MYO7B: variants seen among roughly 807,000 people sequenced by gnomAD.
MYO7B encodes the protein myosin VIIB.
In MYO7B, 212 loss-of-function variants were observed where a neutral mutation model predicts 259.7. The ratio of observed to expected loss-of-function variants is 0.82; its 90% CI spans 0.73 to 0.91. The LOEUF is 0.91. MYO7B is among the 40% of genes least tolerant of loss of function. MYO7B has a pLI of 0.00. For missense variants in MYO7B, 2,732 were observed against 2,813.5 expected (o/e 0.97, Z 0.66); for synonymous variants, 1,197 against 1,166.4 (o/e 1.03, Z -0.54).
chr2:127,576,681 G>A lies in MYO7B; in HGVS notation c.822G>A (p.Thr274=), dbSNP rs764355080. The A allele has an allele frequency of 7.5e-6, 12 of 1,609,416 alleles. No homozygotes were observed. Among genetic ancestry groups the A allele is most frequent in the African/African-American group, 4.0e-5 (3 of 74,806 alleles). The change falls in exon 8 of 48, where the codon ACG becomes ACA. Residue 274 remains threonine, a synonymous_variant. Transcript: ENST00000409816. The surrounding 1 kb of genome is among the most constrained non-coding windows in gnomAD (Gnocchi z 4.9). ...ACAAGCAGCTGCTGAGCCTGGGCAC[G>A]CCCTCCGAGTACCACTACCTGACCA... ...AEDKQLLSLG[T]PSEYHYLTMG... is the part of the protein sequence containing the mutation.
intron 2 of MYO7B, among the ~76,000 whole-genome samples, chr2:127,562,216 A>G (rs977259520): frequency 6.6e-5 from 10 of 152,124 alleles, no homozygotes; most frequent in Admixed American, 2.6e-4. Flanking sequence ...GAGGGACACA[A>G]TTCAGTCCAT....
At chr2:127,630,640 G>T (rs577619451) in intron 35 of MYO7B, 138 bp from the exon 36 acceptor site, 70 of 1,178,514 alleles carry the variant, frequency 5.9e-5, no homozygotes, top group Middle Eastern at 5.9e-4. Context: ...GGTGACAGGG[G>T]TGTGGGTAAG....
At chr2:127,562,893 A>C (rs1678166928) in intron 2 of MYO7B, among the ~76,000 whole-genome samples, 1 of 152,154 alleles carries the variant, frequency 6.6e-6, no homozygotes, top group South Asian at 2.1e-4. Context: ...ACAGGTGTGA[A>C]CCACCACATC....
rs1573684631 is a variant in MYO7B, at chr2:127,607,499, C to T, written c.2643+75C>T. ...GTGGGTGAGGGCAAGAAGGAGTGAG[C>T]GGCTGTGTAGAGAGCTCACCAGAAG... is the stretch of plus-strand genomic sequence containing the variant. On this transcript the variant is annotated intron_variant, in intron 21 of 47. Transcript: ENST00000409816. This position sits in a 1 kb window ranked among gnomAD's most constrained non-coding sequence, Gnocchi z 4.4. 15 of 1,346,438 alleles carry T rather than the reference C, an allele frequency of 1.1e-5. No homozygotes were observed. In the East Asian group the frequency reaches 1.2e-4, roughly 11 times the overall value. 83.4% of individuals were successfully genotyped at this position (1,346,438 alleles called of 1,614,324 possible).
Position 127,628,291 on chromosome 2 carries a change from A to T in MYO7B, c.4461-81A>T. 1 of 1,520,576 alleles carries T rather than the reference A, an allele frequency of 6.6e-7. No individual in the cohort carries two copies. Among genetic ancestry groups the T allele is most frequent in the Non-Finnish European group, 8.8e-7 (1 of 1,131,256 alleles). The allele number at this position is 1,520,576 out of a possible 1,614,324, so 94.2% of individuals were successfully genotyped here. ...CCTCATCTGTGACTCAGGACCCCCA[A>T]CCCCACCTCCCGAGGCTGTTTAGGG... On this transcript the variant is annotated intron_variant, in intron 33 of 47. Transcript: ENST00000409816. The surrounding 1 kb of genome is among the most constrained non-coding windows in gnomAD (Gnocchi z 4.8).
At chr2:127,635,291 C>A in intron 43 of MYO7B, 65 bp downstream of exon 43, 2 of 1,465,138 alleles carry the variant, frequency 1.4e-6, no homozygotes, top group Non-Finnish European at 1.9e-6. Flanking sequence ...TGTTCTGAGG[C>A]TGTAGAAGCC....
intron 10 of MYO7B, among the ~76,000 whole-genome samples, chr2:127,581,575 G>A (rs910816329): frequency 6.6e-6 from 1 of 152,156 alleles, no homozygotes; most frequent in African/African-American, 2.4e-5. Flanking sequence ...CAGCCTTCAG[G>A]CGGGACTGAT....
At chr2:127,540,326 A>T (rs910811156) in intron 1 of MYO7B, among the ~76,000 whole-genome samples, 1 of 151,556 alleles carries the variant, frequency 6.6e-6, no homozygotes, top group African/African-American at 2.4e-5. Flanking sequence ...ACCACACCCA[A>T]CTAATTTTTG....
chr2:127,540,354 G>T (rs986179726), intron 1 of MYO7B, among the ~76,000 whole-genome samples: 1 of 152,102 alleles, frequency 6.6e-6, no homozygotes, highest in Non-Finnish European at 1.5e-5. Context: ...AGTAGAGACA[G>T]GGTTTCACCA....
chr2:127,571,149 G>C (rs146140150), intron 6 of MYO7B, among the ~76,000 whole-genome samples: 1 of 152,298 alleles, frequency 6.6e-6, no homozygotes, highest in Non-Finnish European at 1.5e-5. Flanking sequence ...CACTTTGTCA[G>C]AAACTTCCGA....
intron 42 of MYO7B, 59 bp downstream of exon 42, chr2:127,634,742 G>A: frequency 1.4e-6 from 2 of 1,443,328 alleles, no homozygotes; most frequent in African/African-American, 1.5e-5. Context: ...AGGGGGCACT[G>A]GCGGCCTCTG....
intron 41 of MYO7B, 135 bp from the exon 42 acceptor site, chr2:127,634,461 C>T (rs1409078450): frequency 1.0e-5 from 9 of 894,592 alleles, no homozygotes; most frequent in East Asian, 2.6e-5. Context: ...CAGCTCCACA[C>T]GCCAATAGCC....
intron 5 of MYO7B, among the ~76,000 whole-genome samples, chr2:127,568,884 AG>A (rs1170878709): frequency 6.7e-6 from 1 of 149,302 alleles, no homozygotes; most frequent in Non-Finnish European, 1.5e-5. Flanking sequence ...GGCCAACAAC[AG>A]CAAGACTCCG....
At chr2:127,606,974 T>A (rs1010329149) in intron 20 of MYO7B, among the ~76,000 whole-genome samples, 1 of 152,246 alleles carries the variant, frequency 6.6e-6, no homozygotes, top group Non-Finnish European at 1.5e-5. Flanking sequence ...TTTATGCTAT[T>A]TCACAAATGC....
At chr2:127,572,951 G>T (rs1678708764) in intron 6 of MYO7B, among the ~76,000 whole-genome samples, 1 of 149,244 alleles carries the variant, frequency 6.7e-6, no homozygotes. Flanking sequence ...AAAAAAAACT[G>T]CCTGCATCAG....
At chr2:127,623,490 C>A in intron 29 of MYO7B, 115 bp downstream of exon 29, 1 of 1,140,936 alleles carries the variant, frequency 8.8e-7, no homozygotes, top group Non-Finnish European at 1.2e-6. Context: ...CTCCCAGCTG[C>A]CAGGCACAGC....
chr2:127,578,188 G>T lies in MYO7B; in HGVS notation c.905G>T (p.Arg302Leu), dbSNP rs192308013. The T allele has an allele frequency of 6.2e-7, 1 of 1,613,778 alleles. No homozygotes were observed. Among genetic ancestry groups the T allele is most frequent in the South Asian group, 1.1e-5 (1 of 91,054 alleles). Reference protein sequence around the residue: ...LNDAKDYAHIRSAMKILQFSD... With the variant: ...LNDAKDYAHILSAMKILQFSD... ...GACGCCAAGGACTACGCCCACATCC[G>T]CTCGGCCATGAAGATCCTCCAGTTC... The change falls in exon 9 of 48, where the codon CGC (arginine) becomes CTC (leucine). Residue 302 changes from arginine to leucine, a missense_variant. Around this residue, in one of 3 missense-constraint regions of MYO7B, gnomAD observed 1,906 missense variants for 2,026.4 expected, o/e 0.94. Coordinates refer to ENST00000409816, the MANE Select transcript of MYO7B (RefSeq NM_001393586.1).
chr2:127,567,317 C>T (rs1459636796), intron 5 of MYO7B, among the ~76,000 whole-genome samples: 1 of 149,060 alleles, frequency 6.7e-6, no homozygotes, highest in Admixed American at 6.6e-5. Flanking sequence ...TGAGGGCCCA[C>T]TCAAAAAAAA....
At position 127,631,861 on chromosome 2, in the gene MYO7B, CCCTGCCTGGGCT is replaced by C. The variant is rs1426128589; in HGVS notation, c.5249+116_5249+127del. 5 of 1,390,584 alleles carry C rather than the reference CCCTGCCTGGGCT, an allele frequency of 3.6e-6. No homozygotes were observed. In the African/African-American group the frequency reaches 7.2e-5, roughly 20 times the overall value. The allele number at this position is 1,390,584 out of a possible 1,614,324, so 86.1% of individuals were successfully genotyped here. On this transcript the variant is annotated intron_variant, in intron 38 of 47. Coordinates refer to ENST00000409816, the MANE Select transcript of MYO7B (RefSeq NM_001393586.1). ...ACACCGCAGCTGGTGGCGGCAGAAC[CCCTGCCTGGGCT>C]CCTGCCTCAGCAGTGGGAAGGGTTG... is the stretch of plus-strand genomic sequence containing the variant.
Sources: gnomAD v4.1 joint callset for allele counts (sites outside exome capture counted in the v4.1 genomes callset) on GRCh38, gnomAD v4.1.1 for gene constraint, gnomAD v4.1.1 regional missense constraint, Gnocchi (gnomAD v3.1) non-coding constraint, MANE v1.5 for transcripts, NCBI Gene and HGNC (gene_info 2026-07-23, HGNC 2026-07-21) for gene names.